The following AFF1 variants were observed in gnomAD, a reference collection of about 807,000 sequenced individuals.
The protein encoded by AFF1 is AF4/FMR2 family member 1.
A neutral mutation model predicts 121.7 loss-of-function variants in AFF1; 48 were observed. The ratio of observed to expected loss-of-function variants is 0.39; its 90% CI spans 0.31 to 0.50. The LOEUF (loss-of-function observed/expected upper bound fraction) is 0.50, where lower values mean the gene tolerates loss of function less well. Among genes scored for constraint, AFF1 ranks in the 20% least tolerant of loss-of-function variants. The pLI is 0.76. For synonymous variants in AFF1, 613 were observed against 563.0 expected, an observed-to-expected ratio of 1.09 and a Z score of -1.26; for missense variants, 1,523 against 1,511.7, an observed-to-expected ratio of 1.01 and a Z score of -0.12.
At chr4:86,985,481 G>C (rs1217797984) in intron 2 of AFF1, among the ~76,000 whole-genome samples, 2 of 148,950 alleles carry the variant, frequency 1.3e-5, no homozygotes, top group Admixed American at 6.7e-5. Flanking sequence ...ACTCCAGCCC[G>C]GGCCGACAAC....
chr4:86,968,294 G>A (rs577184461), intron 2 of AFF1, among the ~76,000 whole-genome samples: 20 of 152,198 alleles, frequency 1.3e-4, no homozygotes, highest in African/African-American at 4.6e-4. Context: ...TGAGCTAGCA[G>A]ACACAGTAGA....
At chr4:87,075,961 A>G (rs1345022180) in intron 4 of AFF1, among the ~76,000 whole-genome samples, 3 of 152,208 alleles carry the variant, frequency 2.0e-5, no homozygotes, top group Non-Finnish European at 4.4e-5. Context: ...TGAGTCTAGA[A>G]TTATGCTAAG....
intron 2 of AFF1, among the ~76,000 whole-genome samples, chr4:86,966,020 T>TAA (rs1722511906): frequency 6.7e-6 from 1 of 149,946 alleles, no homozygotes; most frequent in African/African-American, 2.5e-5. Flanking sequence ...GTGTGCTGTA[T>TAA]TCTCCCCTCT....
rs748093135 is a variant in AFF1 at position 86,951,615 on chromosome 4, C to CTTTTTTTTTTT, written c.38+3051_38+3052insTTTTTTTTTTT. Among the ~76,000 whole-genome samples, 24 of 124,968 alleles carry CTTTTTTTTTTT rather than the reference C, an allele frequency of 1.9e-4. 1 individual carries two copies. The highest frequency in any genetic ancestry group is 4.0e-4 in the African/African-American group (12 of 29,936). 82.0% of individuals were successfully genotyped at this position (124,968 alleles called of 152,430 possible). ...GAACTTTTTTTTCTTTTTCTTTTTT[C>CTTTTTTTTTTT]TTTTTTTCTTTTTTTTTTTTTTTTT... On this transcript the variant is annotated intron_variant, in intron 2 of 20. Transcript: ENST00000395146.
chr4:86,953,743 G>T (rs148418528), intron 2 of AFF1, among the ~76,000 whole-genome samples: 1 of 151,662 alleles, frequency 6.6e-6, no homozygotes, highest in East Asian at 1.9e-4. Context: ...TTTTGAGATG[G>T]AGTTTTGCTC....
intron 16 of AFF1, among the ~76,000 whole-genome samples, chr4:87,128,739 C>CT (rs1397331857): frequency 6.6e-6 from 1 of 152,208 alleles, no homozygotes; most frequent in African/African-American, 2.4e-5. Context: ...ATGTTGATTC[C>CT]TTACCATGCT....
At chr4:87,017,428 G>A (rs1727418586) in intron 2 of AFF1, among the ~76,000 whole-genome samples, 1 of 151,940 alleles carries the variant, frequency 6.6e-6, no homozygotes, top group African/African-American at 2.4e-5. Context: ...TTTGTAAATT[G>A]GGCTTTTCGA....
chr4:87,057,873 C>A (rs969003874), intron 4 of AFF1, among the ~76,000 whole-genome samples: 1 of 152,056 alleles, frequency 6.6e-6, no homozygotes, highest in Non-Finnish European at 1.5e-5. Flanking sequence ...TGGTGTTAAA[C>A]CCCCACCGCT....
chr4:86,982,813 A>ACT (rs1207156248), intron 2 of AFF1, among the ~76,000 whole-genome samples: 1 of 132,024 alleles, frequency 7.6e-6, no homozygotes, highest in African/African-American at 2.8e-5. Context: ...GTGCCACTGC[A>ACT]CTCCAGTCTG....
rs778503100 is a variant in AFF1, at chr4:87,047,021, C to A, written c.486C>A (p.Asp162Glu). 1 of 1,614,234 alleles carries A rather than the reference C, an allele frequency of 6.2e-7. No homozygotes were observed. Among genetic ancestry groups the A allele is most frequent in the East Asian group, 2.2e-5 (1 of 44,884 alleles). ...ATGCCAAAAGCTGCGGCCCACCGGA[C>A]AGCCAGCACCTGACCCAGGATCGCC... ...SLHAKSCGPP[D>E]SQHLTQDRLG... Residue 162 changes from aspartate (D) to glutamate (E), a missense_variant, in exon 4 of 21, where the codon GAC (aspartate) becomes GAA (glutamate). Asp to Glu is a conservative substitution (Grantham distance 45). Around this residue, in one of 5 missense-constraint regions of AFF1, gnomAD observed 369 missense variants for 367.2 expected, o/e 1.00. Transcript: ENST00000395146.
At chr4:87,046,613 T>C in intron 3 of AFF1, 82 bp from the exon 4 acceptor site, 1 of 1,416,022 alleles carries the variant, frequency 7.1e-7, no homozygotes, top group South Asian at 1.4e-5. Flanking sequence ...AGTTTTTTCC[T>C]TAATAGTATT....
chr4:87,088,335 T>C (rs1723941920), intron 5 of AFF1, among the ~76,000 whole-genome samples: 1 of 152,220 alleles, frequency 6.6e-6, no homozygotes, highest in African/African-American at 2.4e-5. Flanking sequence ...TACTCGTCAC[T>C]GTGCGAGGTC....
intron 8 of AFF1, among the ~76,000 whole-genome samples, chr4:87,102,799 G>T (rs973253871): frequency 2.0e-5 from 3 of 152,186 alleles, no homozygotes; most frequent in Admixed American, 6.5e-5. Flanking sequence ...CTGAGACTGG[G>T]TCTAAGAGAT....
chr4:87,046,722 C>G lies in AFF1; in HGVS notation c.187C>G (p.Arg63Gly). ...KTAKGDELSS[R>G]IQNMLGNYEE... ...AGCAAAAGGTGATGAGCTGTCTAGTCGAATACAGAACATGTTGGGAAACTA... is the reference window on the plus strand; with the variant it reads ...AGCAAAAGGTGATGAGCTGTCTAGTGGAATACAGAACATGTTGGGAAACTA... The change falls in exon 4 of 21, where the codon CGA becomes GGA. Residue 63 changes from arginine to glycine, a missense_variant. Physicochemically the swap from Arg to Gly is moderately radical, Grantham distance 125. Coordinates refer to ENST00000395146, the MANE Select transcript of AFF1 (RefSeq NM_001166693.3). 6.2e-7 allele frequency: 1 copy of G among 1,613,664 alleles called. No individual in the cohort carries two copies. The highest frequency in any genetic ancestry group is 8.5e-7 in the Non-Finnish European group (1 of 1,179,806).
In AFF1 at chr4:87,135,862, A is replaced by G; in HGVS notation, c.*161A>G. ...CACTTAAACTCTCAACAACAGTGTGATCATTGGTTGGACACTGTGGTTATG... is the reference window on the plus strand; with the variant it reads ...CACTTAAACTCTCAACAACAGTGTGGTCATTGGTTGGACACTGTGGTTATG... On this transcript the variant is annotated 3_prime_UTR_variant, in exon 21 of 21. Coordinates refer to ENST00000395146, the MANE Select transcript of AFF1 (RefSeq NM_001166693.3). 1.7e-6 allele frequency: 2 copies of G among 1,153,968 alleles called. No homozygotes were observed. The highest frequency in any genetic ancestry group is 2.3e-6 in the Non-Finnish European group (2 of 860,866). 71.5% of individuals were successfully genotyped at this position (1,153,968 alleles called of 1,614,324 possible).
chr4:87,001,462 C>A (rs571637015), intron 2 of AFF1, among the ~76,000 whole-genome samples: 4 of 152,012 alleles, frequency 2.6e-5, no homozygotes, highest in African/African-American at 7.2e-5. Flanking sequence ...GTGATCCACC[C>A]GCCTCGGCCT....
chr4:87,105,809 C>T lies in AFF1; in HGVS notation c.1340C>T (p.Thr447Ile), dbSNP rs1725857211. The part of the protein sequence containing the change: ...SDSEDSDSEQ[T>I]PEKPPSSSAP... Reference sequence around the variant, plus strand: ...CTTCCCCTTATTGTGAATGCCTAGACCCCAGAGAAGCCTCCCTCCTCATCT... The same window carrying T: ...CTTCCCCTTATTGTGAATGCCTAGATCCCAGAGAAGCCTCCCTCCTCATCT... The change falls in exon 10 of 21, where the codon ACC becomes ATC. Residue 447 changes from threonine (T) to isoleucine (I), a missense_variant and splice_region_variant. Physicochemically the swap from Thr to Ile is moderately conservative, Grantham distance 89. Transcript: ENST00000395146. 1.2e-6 allele frequency: 2 copies of T among 1,613,978 alleles called. No individual in the cohort carries two copies. Among genetic ancestry groups the T allele is most frequent in the Admixed American group, 3.3e-5 (2 of 59,988 alleles).
intron 4 of AFF1, among the ~76,000 whole-genome samples, chr4:87,055,455 AAATTCCTGTT>A (rs1389363341): frequency 2.0e-5 from 3 of 152,178 alleles, no homozygotes; most frequent in Non-Finnish European, 4.4e-5. Flanking sequence ...CCAGGATGAG[AAATTCCTGTT>A]CCTCCTTGTT....
intron 2 of AFF1, among the ~76,000 whole-genome samples, chr4:87,025,646 G>T (rs941415054): frequency 9.9e-5 from 15 of 152,258 alleles, no homozygotes; most frequent in Admixed American, 2.0e-4. Context: ...TGGCTGTCAC[G>T]CCTGGGAGGG....
Sources: gnomAD v4.1 joint callset for allele counts (sites outside exome capture counted in the v4.1 genomes callset) on GRCh38, gnomAD v4.1.1 for gene constraint, gnomAD v4.1.1 regional missense constraint, MANE v1.5 for transcripts, NCBI Gene and HGNC (gene_info 2026-07-23, HGNC 2026-07-21) for gene names.